The following AGBL4 variants were observed in gnomAD, a reference collection of about 807,000 sequenced individuals.
AGBL4 encodes the protein cytosolic carboxypeptidase 6.
A neutral mutation model predicts 66.4 loss-of-function variants in AGBL4; 58 were observed. The observed-to-expected ratio is 0.87, with a 90% CI of 0.71 to 1.09. The LOEUF (loss-of-function observed/expected upper bound fraction) is 1.09, where lower values mean the gene tolerates loss of function less well. AGBL4 is among the 50% of genes least tolerant of loss of function. The pLI is 0.00. For synonymous variants in AGBL4, 234 were observed against 222.9 expected (o/e 1.05, Z -0.44); for missense variants, 579 against 631.0 (o/e 0.92, Z 0.88).
chr1:49,206,858 A>AGGGAG (rs1648174254), intron 4 of AGBL4, among the ~76,000 whole-genome samples: 1 of 106,426 alleles, frequency 9.4e-6, no homozygotes, highest in African/African-American at 3.7e-5. Context: ...TAGACTTTAG[A>AGGGAG]TGGAGAGGAG....
chr1:48,577,915 A>C (rs1027951742), intron 11 of AGBL4, among the ~76,000 whole-genome samples: 8 of 152,312 alleles, frequency 5.3e-5, no homozygotes, highest in Non-Finnish European at 8.8e-5. Flanking sequence ...GAGGAAGGTT[A>C]GATAAAAACC....
At chr1:49,285,044 C>G (rs1425070615) in intron 3 of AGBL4, among the ~76,000 whole-genome samples, 1 of 151,874 alleles carries the variant, frequency 6.6e-6, no homozygotes, top group South Asian at 2.1e-4. Flanking sequence ...CTACAGAACT[C>G]TCCACCCCAA....
intron 1 of AGBL4, among the ~76,000 whole-genome samples, chr1:49,971,232 C>A (rs1276618323): frequency 6.6e-6 from 1 of 152,158 alleles, no homozygotes; most frequent in Non-Finnish European, 1.5e-5. Flanking sequence ...ACAATGATAT[C>A]TTGCGCAGTC....
chr1:49,263,377 T>G (rs1653416856), intron 3 of AGBL4, among the ~76,000 whole-genome samples: 1 of 151,870 alleles, frequency 6.6e-6, no homozygotes, highest in African/African-American at 2.4e-5. Flanking sequence ...GATAAAAAAA[T>G]AGAGTAATCC....
intron 4 of AGBL4, among the ~76,000 whole-genome samples, chr1:49,071,753 A>T (rs1291247296): frequency 2.0e-5 from 3 of 151,946 alleles, no homozygotes; most frequent in Non-Finnish European, 4.4e-5. Flanking sequence ...GTAGATGTAT[A>T]TTAGGTCCAC....
At chr1:49,827,453 T>C (rs1379979194) in intron 2 of AGBL4, among the ~76,000 whole-genome samples, 4 of 152,164 alleles carry the variant, frequency 2.6e-5, no homozygotes. Flanking sequence ...AACATAAGTT[T>C]GGTTTGGAAA....
At chr1:49,090,752 A>T (rs1379721949) in intron 4 of AGBL4, among the ~76,000 whole-genome samples, 1 of 152,100 alleles carries the variant, frequency 6.6e-6, no homozygotes, top group African/African-American at 2.4e-5. Flanking sequence ...AAATTCATGT[A>T]GAGTCAAAAA....
chr1:49,070,664 G>A (rs1458152211), intron 4 of AGBL4, among the ~76,000 whole-genome samples: 1 of 151,942 alleles, frequency 6.6e-6, no homozygotes. Context: ...TCACATCGAT[G>A]TTCATCAAGG....
intron 6 of AGBL4, among the ~76,000 whole-genome samples, chr1:48,838,697 G>A (rs1260046765): frequency 2.0e-5 from 3 of 152,016 alleles, no homozygotes; most frequent in African/African-American, 7.2e-5. Context: ...GGGATTACAT[G>A]AAGCTAAAAA....
intron 6 of AGBL4, among the ~76,000 whole-genome samples, chr1:48,753,277 G>A (rs1364205835): frequency 1.3e-5 from 2 of 152,182 alleles, no homozygotes; most frequent in Non-Finnish European, 2.9e-5. Context: ...ATACCTAGAG[G>A]AGAAAACAGA....
chr1:49,573,708 T>C (rs571055562), intron 3 of AGBL4, among the ~76,000 whole-genome samples: 2 of 152,246 alleles, frequency 1.3e-5, no homozygotes, highest in Non-Finnish European at 2.9e-5. Flanking sequence ...GCTCTTATAA[T>C]GTGAGTGGCT....
At chr1:48,992,676 T>C (rs1166920095) in intron 5 of AGBL4, among the ~76,000 whole-genome samples, 1 of 152,172 alleles carries the variant, frequency 6.6e-6, no homozygotes, top group East Asian at 1.9e-4. Context: ...CTACTGTGAC[T>C]GAGCTTACAC....
At chr1:49,617,829 C>T (rs1246937808) in intron 3 of AGBL4, among the ~76,000 whole-genome samples, 1 of 152,214 alleles carries the variant, frequency 6.6e-6, no homozygotes, top group East Asian at 1.9e-4. Flanking sequence ...TTTGACAGAC[C>T]AAGGTTTCGG....
chr1:48,913,998 A>G (rs1653372001), intron 5 of AGBL4, among the ~76,000 whole-genome samples: 1 of 152,206 alleles, frequency 6.6e-6, no homozygotes, highest in African/African-American at 2.4e-5. Flanking sequence ...CAGTGGAGAT[A>G]TCAAGTGGGA....
chr1:48,732,785 A>G (rs947454549), intron 6 of AGBL4, among the ~76,000 whole-genome samples: 5 of 152,210 alleles, frequency 3.3e-5, no homozygotes, highest in African/African-American at 4.8e-5. Context: ...ACTGAAGGCA[A>G]TGGGAACAAT....
chr1:49,639,356 T>C (rs1206754339), intron 3 of AGBL4, among the ~76,000 whole-genome samples: 2 of 152,230 alleles, frequency 1.3e-5, no homozygotes, highest in Non-Finnish European at 2.9e-5. Flanking sequence ...GGCACTATTA[T>C]ACACACTTGA....
intron 3 of AGBL4, among the ~76,000 whole-genome samples, chr1:49,250,006 T>A (rs932676072): frequency 6.6e-6 from 1 of 152,100 alleles, no homozygotes; most frequent in African/African-American, 2.4e-5. Flanking sequence ...TTCACTCAGA[T>A]GTGGGAGCTA....
chr1:48,921,959 G>T (rs1175503293), intron 5 of AGBL4, among the ~76,000 whole-genome samples: 1 of 152,072 alleles, frequency 6.6e-6, no homozygotes, highest in African/African-American at 2.4e-5. Context: ...AATATACGTG[G>T]AACATTTAGT....
chr1:48,791,277 C>A (rs1028582022), intron 6 of AGBL4, among the ~76,000 whole-genome samples: 7 of 152,162 alleles, frequency 4.6e-5, no homozygotes, highest in African/African-American at 1.7e-4. Flanking sequence ...GTAAACATAT[C>A]CCAGCATTTT....
Sources: gnomAD v4.1 joint callset for allele counts (sites outside exome capture counted in the v4.1 genomes callset) on GRCh38, gnomAD v4.1.1 for gene constraint, MANE v1.5 for transcripts, NCBI Gene and HGNC (gene_info 2026-07-23, HGNC 2026-07-21) for gene names.